Variants in RABGAP1 observed in about 807,000 individuals in gnomAD.
RABGAP1 encodes RAB GTPase activating protein 1, also known as rab GTPase-activating protein 1.
RABGAP1 carries 23 observed loss-of-function variants against 137.6 expected under a neutral mutation model. That is an observed-to-expected ratio of 0.17 (90% CI 0.12 to 0.24). The LOEUF (loss-of-function observed/expected upper bound fraction) is 0.24. Among genes scored for constraint, RABGAP1 ranks in the 10% least tolerant of loss-of-function variants. The pLI is 1.00. For missense variants in RABGAP1, 906 were observed against 1,275.8 expected (o/e 0.71, Z 4.42); for synonymous variants, 451 against 450.7 (o/e 1.00, Z -0.01).
At chr9:122,980,791 T>G (rs528474759) in intron 2 of RABGAP1, among the ~76,000 whole-genome samples, 49 of 152,320 alleles carry the variant, frequency 3.2e-4, no homozygotes, top group Non-Finnish European at 5.7e-4. Context: ...ATTTTCAAAC[T>G]TTGTTACATG....
At chr9:123,058,501 A>G (rs950791923) in intron 13 of RABGAP1, among the ~76,000 whole-genome samples, 2 of 151,962 alleles carry the variant, frequency 1.3e-5, no homozygotes, top group Non-Finnish European at 2.9e-5. Flanking sequence ...TATTAAAATA[A>G]GAAAACAAAA....
intron 1 of RABGAP1, among the ~76,000 whole-genome samples, chr9:122,943,580 G>C (rs1833744571): frequency 6.6e-6 from 1 of 152,132 alleles, no homozygotes; most frequent in African/African-American, 2.4e-5. Context: ...TGAGAGAACT[G>C]TATTATGCAC....
At chr9:123,099,195 C>T (rs145879034) in intron 23 of RABGAP1, among the ~76,000 whole-genome samples, 1 of 152,310 alleles carries the variant, frequency 6.6e-6, no homozygotes, top group Non-Finnish European at 1.5e-5. Context: ...TTCCCTCCTA[C>T]ACTAGGATCT....
chr9:123,091,372 T>C (rs1328921350), intron 21 of RABGAP1, among the ~76,000 whole-genome samples: 1 of 152,208 alleles, frequency 6.6e-6, no homozygotes, highest in Non-Finnish European at 1.5e-5. Flanking sequence ...ACTCATGCAT[T>C]TCCTTGAAAG....
chr9:122,942,399 G>A (rs1338538205), intron 1 of RABGAP1, among the ~76,000 whole-genome samples: 2 of 152,110 alleles, frequency 1.3e-5, no homozygotes, highest in African/African-American at 2.4e-5. Flanking sequence ...AATAGGGGCC[G>A]GGTGCGTTCA....
chr9:122,953,063 A>T (rs985977746), intron 1 of RABGAP1, among the ~76,000 whole-genome samples: 2 of 152,182 alleles, frequency 1.3e-5, no homozygotes, highest in South Asian at 2.1e-4. Context: ...TTAGGAAATT[A>T]ATTTATTTAT....
At chr9:123,043,553 A>G (rs1424688243) in intron 13 of RABGAP1, among the ~76,000 whole-genome samples, 1 of 151,012 alleles carries the variant, frequency 6.6e-6, no homozygotes, top group Non-Finnish European at 1.5e-5. Context: ...TGATTCAGTT[A>G]TGTGTTGCTG....
intron 1 of RABGAP1, among the ~76,000 whole-genome samples, chr9:122,948,718 A>AT (rs1380905718): frequency 6.6e-6 from 1 of 152,060 alleles, no homozygotes; most frequent in Non-Finnish European, 1.5e-5. Flanking sequence ...CCCAAGGTAT[A>AT]TTTTTTGTGA....
At chr9:123,062,604 AGT>A (rs1323447328) in intron 13 of RABGAP1, 1 of 152,210 alleles carries the variant, frequency 6.6e-6, no homozygotes, top group Non-Finnish European at 1.5e-5. Context: ...TCAAAAATTG[AGT>A]GTGAATTTTC....
intron 19 of RABGAP1, among the ~76,000 whole-genome samples, chr9:123,079,030 T>G (rs1267367133): frequency 6.6e-6 from 1 of 152,160 alleles, no homozygotes; most frequent in Non-Finnish European, 1.5e-5. Flanking sequence ...GTCAGTATCA[T>G]TTTTCTTCCT....
chr9:122,968,217 T>TA (rs1274324071), intron 2 of RABGAP1, among the ~76,000 whole-genome samples: 1 of 147,894 alleles, frequency 6.8e-6, no homozygotes, highest in Non-Finnish European at 1.5e-5. Context: ...AATTCAATTC[T>TA]ACCTTTTTTT....
chr9:123,090,144 CA>C (rs2034991959), intron 20 of RABGAP1, 130 bp from the exon 21 acceptor site: 1 of 687,500 alleles, frequency 1.5e-6, no homozygotes, highest in South Asian at 2.1e-5. Flanking sequence ...GATTTGGAAA[CA>C]CATCAGGTCC....
chr9:123,032,881 A>G lies in RABGAP1; in HGVS notation c.1794+12422A>G, dbSNP rs551434289. 1.8e-4 allele frequency among the ~76,000 whole-genome samples: 27 copies of G among 152,336 alleles called. 1 individual carries two copies. The highest frequency in any genetic ancestry group is 4.0e-4 in the Non-Finnish European group (27 of 68,032). ...TAAGATACAAAGGCTTATTTGTACC[A>G]TGAAACTTCCTGTAATATCCATGCC... On this transcript the variant is annotated intron_variant, in intron 13 of 25. Transcript: ENST00000373647.
intron 7 of RABGAP1, 58 bp from the exon 8 acceptor site, chr9:122,996,476 CTAATT>C (rs2131814762): frequency 6.8e-7 from 1 of 1,460,002 alleles, no homozygotes; most frequent in South Asian, 1.2e-5. Context: ...TTAAAGTGGC[CTAATT>C]TAAACGTTCT....
chr9:123,083,028 A>G (rs700071), intron 19 of RABGAP1, among the ~76,000 whole-genome samples: 97,851 of 152,150 alleles, frequency 0.64, 38,577 homozygotes, highest in Non-Finnish European at 0.88. Context: ...GCTCTCATAC[A>G]GTGAAATAAT....
Position 123,015,666 on chromosome 9 carries a change from C to A in RABGAP1, c.1643+30C>A, listed in dbSNP as rs774687884. On this transcript the variant is annotated intron_variant, in intron 12 of 25. Transcript: ENST00000373647. The stretch of plus-strand genomic sequence containing the variant: ...GTTATGATAGAATAGTTTTTTTTAT[C>A]TGCAATTTTCATTTTATGGGTAGAG... 6.8e-6 allele frequency: 10 copies of A among 1,478,672 alleles called. No homozygotes were observed. The South Asian group carries it at 1.1e-4, about 16-fold the overall frequency. The allele number at this position is 1,478,672 out of a possible 1,614,324, so 91.6% of individuals were successfully genotyped here.
intron 2 of RABGAP1, among the ~76,000 whole-genome samples, chr9:122,984,160 T>C (rs1836240315): frequency 6.6e-6 from 1 of 152,240 alleles, no homozygotes; most frequent in African/African-American, 2.4e-5. Context: ...TTATTTCTTA[T>C]CAGACAAAAT....
chr9:122,982,715 A>G (rs1564376876), intron 2 of RABGAP1, among the ~76,000 whole-genome samples: 1 of 152,150 alleles, frequency 6.6e-6, no homozygotes, highest in Non-Finnish European at 1.5e-5. Flanking sequence ...AATTGAATCT[A>G]AGCTTTAGTT....
chr9:123,100,869 ATTCT>A (rs2035325352), intron 24 of RABGAP1, among the ~76,000 whole-genome samples: 1 of 152,228 alleles, frequency 6.6e-6, no homozygotes, highest in Non-Finnish European at 1.5e-5. Context: ...TGTGGTGTGT[ATTCT>A]TTCAGTCTTT....
Sources: gnomAD v4.1 joint callset for allele counts (sites outside exome capture counted in the v4.1 genomes callset) on GRCh38, gnomAD v4.1.1 for gene constraint, MANE v1.5 for transcripts, NCBI Gene and HGNC (gene_info 2026-07-23, HGNC 2026-07-21) for gene names.